The following SCFD2 variants were observed in gnomAD, a reference collection of about 807,000 sequenced individuals.
SCFD2 encodes the protein sec1 family domain-containing protein 2.
In SCFD2, 54 loss-of-function variants were observed where a neutral mutation model predicts 58.9. The ratio of observed to expected loss-of-function variants is 0.92; its 90% CI spans 0.74 to 1.15. SCFD2 has a LOEUF of 1.15. Among genes scored for constraint, SCFD2 ranks in the 50% most tolerant of loss-of-function variants. The pLI is 0.00. For missense variants in SCFD2, 805 were observed against 836.6 expected (o/e 0.96, Z 0.47); for synonymous variants, 321 against 335.9 (o/e 0.96, Z 0.49).
At position 52,962,670 on chromosome 4, in the gene SCFD2, TA is replaced by T. The variant is rs371372372; in HGVS notation, c.1562-41801del. On this transcript the variant is annotated intron_variant, in intron 5 of 8. Transcript: ENST00000401642. Reference sequence around the variant, plus strand: ...TGTTAATGCTATGATGAAAATAGTTTAGAGGGGGGCAGCATTACTGAAACAG... The same window carrying T: ...TGTTAATGCTATGATGAAAATAGTTTGAGGGGGGCAGCATTACTGAAACAG... Among the ~76,000 whole-genome samples the T allele has an allele frequency of 3.4e-3, 516 of 150,810 alleles. 1 individual carries two copies. Among genetic ancestry groups the T allele is most frequent in the African/African-American group, 0.012 (479 of 41,194 alleles).
intron 8 of SCFD2, 38 bp downstream of exon 8, chr4:52,885,709 C>G: frequency 6.2e-7 from 1 of 1,611,448 alleles, no homozygotes; most frequent in South Asian, 1.1e-5. Context: ...CACACCCCTA[C>G]TTCTGAGCTC....
intron 5 of SCFD2, among the ~76,000 whole-genome samples, chr4:53,029,071 A>T (rs1016514056): frequency 1.3e-5 from 2 of 152,218 alleles, no homozygotes; most frequent in African/African-American, 4.8e-5. Context: ...TAGTAACAAA[A>T]ATAATTCTAT....
chr4:52,900,102 C>T (rs908142471), intron 7 of SCFD2, among the ~76,000 whole-genome samples: 3 of 152,112 alleles, frequency 2.0e-5, no homozygotes, highest in African/African-American at 4.8e-5. Context: ...TGAACTTCCT[C>T]CTTTAGCTCG....
intron 5 of SCFD2, among the ~76,000 whole-genome samples, chr4:53,095,842 G>A (rs1399647547): frequency 6.6e-6 from 1 of 151,152 alleles, no homozygotes; most frequent in East Asian, 1.9e-4. Flanking sequence ...TTTACATTAG[G>A]TATATATCCT....
intron 6 of SCFD2, among the ~76,000 whole-genome samples, 165 bp downstream of exon 6, chr4:52,920,560 T>G (rs942186684): frequency 1.3e-5 from 2 of 152,186 alleles, no homozygotes; most frequent in African/African-American, 4.8e-5. Flanking sequence ...TTGAGAGGCT[T>G]TCAGATTCCG....
At chr4:52,880,506 A>G (rs982182011) in intron 8 of SCFD2, among the ~76,000 whole-genome samples, 2 of 150,588 alleles carry the variant, frequency 1.3e-5, no homozygotes, top group African/African-American at 4.9e-5. Context: ...AATCCTAGCT[A>G]CTCGGGAGGC....
chr4:52,923,584 G>GA (rs1401794376), intron 5 of SCFD2, among the ~76,000 whole-genome samples: 3 of 152,088 alleles, frequency 2.0e-5, no homozygotes, highest in Non-Finnish European at 4.4e-5. Context: ...GGGATTCATA[G>GA]ACTGCAGGGG....
At chr4:53,046,280 G>C (rs1238404068) in intron 5 of SCFD2, among the ~76,000 whole-genome samples, 1 of 152,132 alleles carries the variant, frequency 6.6e-6, no homozygotes, top group Non-Finnish European at 1.5e-5. Context: ...CAGTGCAGTG[G>C]TGTGAACACG....
chr4:53,057,257 C>G (rs1170227470), intron 5 of SCFD2, among the ~76,000 whole-genome samples: 1 of 152,052 alleles, frequency 6.6e-6, no homozygotes, highest in East Asian at 1.9e-4. Flanking sequence ...ATGGAACCAA[C>G]CCAAATGCCC....
intron 1 of SCFD2, among the ~76,000 whole-genome samples, chr4:53,353,628 G>A (rs1378976628): frequency 6.6e-6 from 1 of 152,148 alleles, no homozygotes; most frequent in South Asian, 2.1e-4. Context: ...GCTGATTGGT[G>A]CATTTACAAA....
intron 5 of SCFD2, among the ~76,000 whole-genome samples, chr4:52,921,734 G>C (rs28610009): frequency 1.3e-5 from 2 of 152,086 alleles, no homozygotes; most frequent in Non-Finnish European, 2.9e-5. Flanking sequence ...GAGTGGTAAA[G>C]TTTCTGTGTA....
intron 4 of SCFD2, among the ~76,000 whole-genome samples, chr4:53,171,285 C>A (rs1315853224): frequency 1.3e-5 from 2 of 152,136 alleles, no homozygotes; most frequent in African/African-American, 4.8e-5. Context: ...GGGTTTTTAA[C>A]CTTCATTCTG....
intron 3 of SCFD2, among the ~76,000 whole-genome samples, chr4:53,305,443 G>C (rs185865731): frequency 6.6e-6 from 1 of 151,916 alleles, no homozygotes; most frequent in Non-Finnish European, 1.5e-5. Context: ...CAAATATTTC[G>C]TGTACAGGAT....
intron 5 of SCFD2, among the ~76,000 whole-genome samples, chr4:53,131,470 C>G (rs892032173): frequency 6.6e-6 from 1 of 152,002 alleles, no homozygotes; most frequent in African/African-American, 2.4e-5. Context: ...TTGCTTCCCT[C>G]CTGAGATAAT....
intron 5 of SCFD2, among the ~76,000 whole-genome samples, chr4:53,015,506 G>A (rs180791351): frequency 7.1e-4 from 108 of 152,270 alleles, no homozygotes; most frequent in Admixed American, 4.6e-3. Flanking sequence ...AGCTTCCCAG[G>A]AGAAGCAAAA....
At chr4:53,099,731 C>A (rs1234701338) in intron 5 of SCFD2, among the ~76,000 whole-genome samples, 1 of 152,164 alleles carries the variant, frequency 6.6e-6, no homozygotes, top group Non-Finnish European at 1.5e-5. Context: ...TTAGGGAGGG[C>A]ATTAGTCTTA....
At chr4:52,976,174 T>TA (rs897372843) in intron 5 of SCFD2, among the ~76,000 whole-genome samples, 4 of 151,856 alleles carry the variant, frequency 2.6e-5, no homozygotes, top group East Asian at 1.9e-4. Flanking sequence ...AAAGTATATA[T>TA]AAAAAAAATT....
At chr4:53,263,243 T>C (rs1402605347) in intron 4 of SCFD2, among the ~76,000 whole-genome samples, 2 of 152,224 alleles carry the variant, frequency 1.3e-5, no homozygotes, top group Non-Finnish European at 2.9e-5. Flanking sequence ...CTTCGAATTC[T>C]TTTTCTGGAA....
chr4:53,330,571 G>C (rs574310679), intron 2 of SCFD2, among the ~76,000 whole-genome samples: 90 of 152,240 alleles, frequency 5.9e-4, no homozygotes, highest in Non-Finnish European at 1.1e-3. Context: ...CACCAGGCCT[G>C]CTTTACAAGA....
Sources: gnomAD v4.1 joint callset for allele counts (sites outside exome capture counted in the v4.1 genomes callset) on GRCh38, gnomAD v4.1.1 for gene constraint, MANE v1.5 for transcripts, NCBI Gene and HGNC (gene_info 2026-07-23, HGNC 2026-07-21) for gene names.